The following GID4 variants were observed in gnomAD, a reference collection of about 807,000 sequenced individuals.
The protein encoded by GID4 is glucose-induced degradation protein 4 homolog.
A neutral mutation model predicts 32.4 loss-of-function variants in GID4; 7 were observed. The ratio of observed to expected loss-of-function variants is 0.22; its 90% CI spans 0.12 to 0.41. The LOEUF (loss-of-function observed/expected upper bound fraction) is 0.41, where lower values mean the gene tolerates loss of function less well. GID4 is among the 10% of genes least tolerant of loss of function. GID4 has a pLI of 1.00. For missense variants in GID4, 309 were observed against 400.0 expected, an observed-to-expected ratio of 0.77 and a Z score of 1.94; for synonymous variants, 166 against 170.0, an observed-to-expected ratio of 0.98 and a Z score of 0.18.
At position 18,039,574 on chromosome 17, in the gene GID4, G is replaced by A. The variant is rs984736907; in HGVS notation, c.110G>A (p.Arg37Gln). Reference protein sequence around the residue: ...WRPERLLRRQRAGGRPSRPHP... With the variant: ...WRPERLLRRQQAGGRPSRPHP... ...CCGGAGCGCTTGCTCCGCAGGCAGCGGGCGGGTGGTCGCCCCTCCCGCCCC... is the reference window on the plus strand; with the variant it reads ...CCGGAGCGCTTGCTCCGCAGGCAGCAGGCGGGTGGTCGCCCCTCCCGCCCC... The change falls in exon 1 of 6, where the codon CGG (arginine) becomes CAG (glutamine). Residue 37 changes from arginine to glutamine, a missense_variant. Transcript: ENST00000268719. The surrounding 1 kb of genome is among the most constrained non-coding windows in gnomAD (Gnocchi z 5.3). The A allele has an allele frequency of 7.7e-7, 1 of 1,301,634 alleles. No homozygotes were observed. The highest frequency in any genetic ancestry group is 1.5e-5 in the African/African-American group (1 of 64,664). The allele number at this position is 1,301,634 out of a possible 1,614,324, so 80.6% of individuals were successfully genotyped here.
chr17:18,060,709 C>T (rs1487396862), intron 4 of GID4, among the ~76,000 whole-genome samples: 1 of 151,768 alleles, frequency 6.6e-6, no homozygotes, highest in East Asian at 1.9e-4. Flanking sequence ...CGTACCACCA[C>T]GCCTGGCTAA....
intron 2 of GID4, among the ~76,000 whole-genome samples, chr17:18,045,893 A>G (rs2044848698): frequency 1.4e-5 from 2 of 146,108 alleles, no homozygotes; most frequent in South Asian, 2.1e-4. Flanking sequence ...CCCTGTCTCA[A>G]AAAAAAAAAA....
chr17:18,052,729 C>G (rs572549883), intron 2 of GID4, among the ~76,000 whole-genome samples: 62 of 152,262 alleles, frequency 4.1e-4, no homozygotes, highest in African/African-American at 1.4e-3. Flanking sequence ...AACACATGAA[C>G]AAAGAGCAAT....
intron 3 of GID4, chr17:18,056,857 T>C (rs200953938): frequency 2.8e-4 from 439 of 1,550,554 alleles, no homozygotes; most frequent in Non-Finnish European, 3.5e-4. Flanking sequence ...CTCCAACAGT[T>C]TGTGGCTGCT....
chr17:18,041,035 A>C (rs2955380), intron 1 of GID4, among the ~76,000 whole-genome samples: 2 of 151,652 alleles, frequency 1.3e-5, no homozygotes, highest in African/African-American at 4.9e-5. Context: ...CCCTCCCCAC[A>C]AAACTCTTCC....
intron 1 of GID4, among the ~76,000 whole-genome samples, chr17:18,043,050 A>G (rs2044817949): frequency 6.6e-6 from 1 of 152,138 alleles, no homozygotes; most frequent in Non-Finnish European, 1.5e-5. Flanking sequence ...CTCCTCTGCC[A>G]TCTAAGAAGC....
chr17:18,051,461 G>A (rs952120239), intron 2 of GID4, among the ~76,000 whole-genome samples: 5 of 151,980 alleles, frequency 3.3e-5, no homozygotes, highest in Non-Finnish European at 1.5e-5. Context: ...GGTGGATCAC[G>A]AGGTTAGGAG....
chr17:18,066,540 T>C lies in GID4; in HGVS notation c.*1297T>C, dbSNP rs2045065417. 6.6e-6 allele frequency: 1 copy of C among 152,132 alleles called. No individual in the cohort carries two copies. The highest frequency in any genetic ancestry group is 2.1e-4 in the South Asian group (1 of 4,830). 9.4% of individuals were successfully genotyped at this position (152,132 alleles called of 1,614,324 possible). A position where few individuals can be genotyped will look rare whatever the true frequency, so the allele number is the denominator to read the frequency against. ...AAGCTTAATAGGTTGGCATCAGTTG[T>C]AGCCCACAAACATGGCTAGGGCTTT... On this transcript the variant is annotated 3_prime_UTR_variant, in exon 6 of 6. Coordinates refer to ENST00000268719, the MANE Select transcript of GID4 (RefSeq NM_024052.5).
chr17:18,063,577 T>G (rs1567589763), intron 5 of GID4, among the ~76,000 whole-genome samples: 1 of 152,202 alleles, frequency 6.6e-6, no homozygotes, highest in Non-Finnish European at 1.5e-5. Flanking sequence ...TTCTCTTATG[T>G]ATGTATAGAT....
At chr17:18,055,612 C>T (rs895969977) in intron 3 of GID4, among the ~76,000 whole-genome samples, 2 of 152,042 alleles carry the variant, frequency 1.3e-5, no homozygotes, top group African/African-American at 4.8e-5. Flanking sequence ...CCTCCGCGCC[C>T]CAAGTAGCTA....
rs1052472360 is a variant in GID4, at chr17:18,065,625, C to G, written c.*382C>G. On this transcript the variant is annotated 3_prime_UTR_variant, in exon 6 of 6. Coordinates refer to ENST00000268719, the MANE Select transcript of GID4 (RefSeq NM_024052.5). Reference sequence around the variant, plus strand: ...CCTCAGCCTTGGTGCTCAGTGGTCCCGAGGCCCTAGACCCCCACCCCCCGC... The same window carrying G: ...CCTCAGCCTTGGTGCTCAGTGGTCCGGAGGCCCTAGACCCCCACCCCCCGC... The G allele has an allele frequency of 3.8e-6, 1 of 261,574 alleles. No homozygotes were observed. The highest frequency in any genetic ancestry group is 7.5e-6 in the Non-Finnish European group (1 of 132,970). 16.2% of individuals were successfully genotyped at this position (261,574 alleles called of 1,614,324 possible).
chr17:18,065,182 A>G lies in GID4; in HGVS notation c.842A>G (p.Tyr281Cys). Residue 281 changes from tyrosine (Y) to cysteine (C), a missense_variant and splice_region_variant, in exon 6 of 6, where the codon TAT becomes TGT. Transcript: ENST00000268719. ...TTTCTGTCTCCTCCCCCTTGCAGGTATCAGTCCCTCAATCTAACCCATGTT... is the reference window on the plus strand; with the variant it reads ...TTTCTGTCTCCTCCCCCTTGCAGGTGTCAGTCCCTCAATCTAACCCATGTT... ...GYYYHRSSEW[Y>C]QSLNLTHVPE... 6.2e-7 allele frequency: 1 copy of G among 1,612,922 alleles called. No individual in the cohort carries two copies. Among genetic ancestry groups the G allele is most frequent in the Non-Finnish European group, 8.5e-7 (1 of 1,178,922 alleles).
chr17:18,063,313 G>A (rs1444060690), intron 5 of GID4, among the ~76,000 whole-genome samples: 1 of 151,876 alleles, frequency 6.6e-6, no homozygotes, highest in African/African-American at 2.4e-5. Flanking sequence ...AGGAGGCTGA[G>A]GCAGGAGAAT....
At chr17:18,057,646 A>G (rs1030469438) in intron 3 of GID4, among the ~76,000 whole-genome samples, 1 of 152,180 alleles carries the variant, frequency 6.6e-6, no homozygotes, top group African/African-American at 2.4e-5. Flanking sequence ...TTTTGGGTAT[A>G]CAGTGTATAC....
chr17:18,056,771 A>G lies in GID4; in HGVS notation c.607-2097A>G, dbSNP rs569569191. 7.6e-4 allele frequency: 1,179 copies of G among 1,550,628 alleles called. 1 individual carries two copies. Among genetic ancestry groups the G allele is most frequent in the Admixed American group, 1.2e-3 (61 of 51,000 alleles). Reference sequence around the variant, plus strand: ...CTGAAACATTTTGGGTGAGAGAGGAACTAAGAAGGCCACCCTTGGTACTGG... The same window carrying G: ...CTGAAACATTTTGGGTGAGAGAGGAGCTAAGAAGGCCACCCTTGGTACTGG... On this transcript the variant is annotated intron_variant, in intron 3 of 5. Coordinates refer to ENST00000268719, the MANE Select transcript of GID4 (RefSeq NM_024052.5).
intron 4 of GID4, 26 bp downstream of exon 4, chr17:18,058,995 A>G: frequency 7.2e-7 from 1 of 1,381,884 alleles, no homozygotes; most frequent in South Asian, 1.2e-5. Flanking sequence ...GTGGCCCTCC[A>G]GACTCCCAGC....
At chr17:18,049,133 T>C (rs8070731) in intron 2 of GID4, among the ~76,000 whole-genome samples, 89,142 of 150,058 alleles carry the variant, frequency 0.59, 27,568 homozygotes, top group Non-Finnish European at 0.68. Flanking sequence ...GTCAGGAGTT[T>C]GAGACCAGCT....
At chr17:18,057,840 T>A (rs2145568808) in intron 3 of GID4, among the ~76,000 whole-genome samples, 1 of 145,992 alleles carries the variant, frequency 6.8e-6, no homozygotes, top group Non-Finnish European at 1.5e-5. Context: ...GATGTATAGA[T>A]TTTTTTTTTT....
At chr17:18,059,861 A>C (rs2045003067) in intron 4 of GID4, among the ~76,000 whole-genome samples, 1 of 151,914 alleles carries the variant, frequency 6.6e-6, no homozygotes, top group Non-Finnish European at 1.5e-5. Flanking sequence ...TGAAGCAGGC[A>C]GATCATGAGG....
Sources: allele counts gnomAD v4.1 joint callset (sites outside exome capture counted in the v4.1 genomes callset), GRCh38; gene constraint gnomAD v4.1.1; non-coding constraint Gnocchi (gnomAD v3.1); transcripts MANE v1.5; gene names NCBI Gene and HGNC (gene_info 2026-07-23, HGNC 2026-07-21).